Variants in C2orf80 observed in about 807,000 individuals in gnomAD.
C2orf80 encodes chromosome 2 open reading frame 80, also known as uncharacterized protein C2orf80.
C2orf80 carries 28 observed loss-of-function variants against 30.2 expected under a neutral mutation model. The ratio of observed to expected loss-of-function variants is 0.93; its 90% CI spans 0.69 to 1.27. C2orf80 has a LOEUF of 1.27. C2orf80 is among the 50% of genes most tolerant of loss of function. The pLI is 0.00. For synonymous variants in C2orf80, 80 were observed against 76.4 expected (o/e 1.05, Z -0.24); for missense variants, 220 against 231.0 (o/e 0.95, Z 0.31).
intron 6 of C2orf80, among the ~76,000 whole-genome samples, chr2:208,174,386 A>T (rs1382350769): frequency 6.6e-6 from 1 of 152,150 alleles, no homozygotes; most frequent in African/African-American, 2.4e-5. Context: ...TGCTTGGCAA[A>T]TTACTGGAGT....
At chr2:208,170,920 G>A (rs1696077548) in intron 8 of C2orf80, 25 bp downstream of exon 8, 1 of 1,572,572 alleles carries the variant, frequency 6.4e-7, no homozygotes, top group African/African-American at 1.4e-5. Context: ...TATCAGTTTG[G>A]TCCAATTTAC....
chr2:208,166,793 A>T (rs904591924), intron 8 of C2orf80, among the ~76,000 whole-genome samples: 1 of 152,108 alleles, frequency 6.6e-6, no homozygotes, highest in Non-Finnish European at 1.5e-5. Context: ...AGCTGGGACT[A>T]CAGGCGCCAC....
chr2:208,174,382 G>A (rs1288701968), intron 6 of C2orf80, among the ~76,000 whole-genome samples: 1 of 152,142 alleles, frequency 6.6e-6, no homozygotes, highest in East Asian at 1.9e-4. Flanking sequence ...AAGATGCTTG[G>A]CAAATTACTG....
chr2:208,173,828 A>G (rs1466787823), intron 6 of C2orf80, among the ~76,000 whole-genome samples: 1 of 152,084 alleles, frequency 6.6e-6, no homozygotes, highest in Non-Finnish European at 1.5e-5. Flanking sequence ...AGCTGTTAAT[A>G]CTGTTCCATT....
chr2:208,181,176 A>T (rs1279087754), intron 5 of C2orf80, 42 bp downstream of exon 5: 1 of 1,273,542 alleles, frequency 7.9e-7, no homozygotes. Flanking sequence ...CTCAGAGTAG[A>T]TATGAAATAT....
intron 6 of C2orf80, among the ~76,000 whole-genome samples, chr2:208,179,589 G>T (rs1389066873): frequency 6.6e-6 from 1 of 152,190 alleles, no homozygotes; most frequent in African/African-American, 2.4e-5. Flanking sequence ...ATCCAAAGGT[G>T]AAGGGATCAG....
At chr2:208,175,556 G>C (rs1158182674) in intron 6 of C2orf80, among the ~76,000 whole-genome samples, 4 of 152,076 alleles carry the variant, frequency 2.6e-5, no homozygotes, top group Non-Finnish European at 4.4e-5. Flanking sequence ...GCCTAGCACA[G>C]TACCCATATT....
chr2:208,187,294 C>T (rs761121607), intron 1 of C2orf80, among the ~76,000 whole-genome samples: 7 of 152,178 alleles, frequency 4.6e-5, no homozygotes, highest in Non-Finnish European at 8.8e-5. Context: ...ATTTACTCTT[C>T]CTTGCAATAA....
intron 2 of C2orf80, 143 bp from the exon 3 acceptor site, chr2:208,185,175 G>A (rs10497896): frequency 1.9e-5 from 11 of 579,224 alleles, no homozygotes; most frequent in Middle Eastern, 2.6e-4. Context: ...GTTAATATTC[G>A]GTTTTGGTTT....
At chr2:208,175,547 C>T (rs568260361) in intron 6 of C2orf80, among the ~76,000 whole-genome samples, 1 of 152,104 alleles carries the variant, frequency 6.6e-6, no homozygotes, top group African/African-American at 2.4e-5. Flanking sequence ...AGCCATCCAG[C>T]CTAGCACAGT....
chr2:208,177,133 A>G (rs1351746330), intron 6 of C2orf80, among the ~76,000 whole-genome samples: 1 of 147,170 alleles, frequency 6.8e-6, no homozygotes, highest in Non-Finnish European at 1.5e-5. Flanking sequence ...TTATATATAT[A>G]CATACATATA....
intron 2 of C2orf80, among the ~76,000 whole-genome samples, chr2:208,186,592 G>A (rs1696725076): frequency 6.6e-6 from 1 of 152,182 alleles, no homozygotes; most frequent in Non-Finnish European, 1.5e-5. Flanking sequence ...GGCCCTTTCA[G>A]GAATCTCTCT....
At chr2:208,182,017 T>C (rs1000374746) in intron 4 of C2orf80, among the ~76,000 whole-genome samples, 2 of 149,648 alleles carry the variant, frequency 1.3e-5, no homozygotes, top group African/African-American at 5.1e-5. Flanking sequence ...GCTGTTCAAA[T>C]TGGATTTTCA....
intron 6 of C2orf80, among the ~76,000 whole-genome samples, chr2:208,180,100 G>A (rs1696506360): frequency 6.6e-6 from 1 of 151,768 alleles, no homozygotes; most frequent in South Asian, 2.1e-4. Context: ...GAAGGGAACT[G>A]TGTGGACCTA....
chr2:208,179,452 G>C (rs1696478565), intron 6 of C2orf80, among the ~76,000 whole-genome samples: 1 of 152,162 alleles, frequency 6.6e-6, no homozygotes, highest in Admixed American at 6.5e-5. Flanking sequence ...GAATCCAGGT[G>C]GGGGCAGGGA....
At chr2:208,166,750 G>A (rs1049819438) in intron 8 of C2orf80, among the ~76,000 whole-genome samples, 1 of 152,026 alleles carries the variant, frequency 6.6e-6, no homozygotes. Flanking sequence ...CGCCTCCTGG[G>A]TTCATGCCAT....
chr2:208,170,919 G>C (rs1374713822), intron 8 of C2orf80, 26 bp downstream of exon 8: 1 of 1,556,486 alleles, frequency 6.4e-7, no homozygotes, highest in African/African-American at 1.4e-5. Flanking sequence ...GTATCAGTTT[G>C]GTCCAATTTA....
At chr2:208,168,812 A>G (rs1695995927) in intron 8 of C2orf80, among the ~76,000 whole-genome samples, 2 of 122,706 alleles carry the variant, frequency 1.6e-5, no homozygotes, top group South Asian at 5.4e-4. Flanking sequence ...GGCCCTACTA[A>G]AACATGGGCA....
In C2orf80 at chr2:208,176,957, A is replaced by G. The variant is rs369427441; in HGVS notation, c.366+3788T>C. On this transcript the variant is annotated intron_variant, in intron 6 of 8. Transcript: ENST00000341287. ...TATACATATCTGTATACATATCTGTATACATATGTATACATATATACAGAA... is the reference window on the plus strand; with the variant it reads ...TATACATATCTGTATACATATCTGTGTACATATGTATACATATATACAGAA... 4.8e-3 allele frequency among the ~76,000 whole-genome samples: 583 copies of G among 121,406 alleles called. 50 individuals carry two copies. Among genetic ancestry groups the G allele is most frequent in the South Asian group, 8.7e-3 (33 of 3,798 alleles). The allele number at this position is 121,406 out of a possible 152,430, so 79.6% of individuals were successfully genotyped here.
Sources: allele counts gnomAD v4.1 joint callset (sites outside exome capture counted in the v4.1 genomes callset), GRCh38; gene constraint gnomAD v4.1.1; transcripts MANE v1.5; gene names NCBI Gene and HGNC (gene_info 2026-07-23, HGNC 2026-07-21).